Variants in SRD5A3 observed in about 807,000 individuals in gnomAD.
SRD5A3 encodes the protein polyprenal reductase.
A neutral mutation model predicts 34.3 loss-of-function variants in SRD5A3; 24 were observed. The observed-to-expected ratio is 0.70, with a 90% CI of 0.51 to 0.99. The LOEUF is 0.99. Among genes scored for constraint, SRD5A3 ranks in the 50% least tolerant of loss-of-function variants. The pLI is 0.00. For missense variants in SRD5A3, 350 were observed against 388.2 expected, an observed-to-expected ratio of 0.90 and a Z score of 0.83; for synonymous variants, 161 against 167.3, an observed-to-expected ratio of 0.96 and a Z score of 0.29.
chr4:55,349,660 T>C (rs1719116414), intron 1 of SRD5A3, among the ~76,000 whole-genome samples: 1 of 152,160 alleles, frequency 6.6e-6, no homozygotes, highest in South Asian at 2.1e-4. Context: ...ATGCTCTGGG[T>C]TGCATAGTGA....
At position 55,371,899 on chromosome 4, in the gene SRD5A3, C is replaced by G. The variant is rs982210614; in HGVS notation, c.*1808C>G. On this transcript the variant is annotated 3_prime_UTR_variant, in exon 5 of 5. Coordinates refer to ENST00000264228, the MANE Select transcript of SRD5A3 (RefSeq NM_024592.5). ...CAAACTCCTGACCTCAGGTGATCCA[C>G]CTGCTTCGGCCTCCCAAAGTGCTGG... is the stretch of plus-strand genomic sequence containing the variant. 6.6e-6 allele frequency: 1 copy of G among 152,200 alleles called. No individual in the cohort carries two copies. Among genetic ancestry groups the G allele is most frequent in the African/African-American group, 2.4e-5 (1 of 41,450 alleles). 9.4% of individuals were successfully genotyped at this position (152,200 alleles called of 1,614,324 possible). A position where few individuals can be genotyped will look rare whatever the true frequency, so the allele number is the denominator to read the frequency against.
intron 2 of SRD5A3, among the ~76,000 whole-genome samples, chr4:55,363,401 T>C (rs1719759358): frequency 6.6e-6 from 1 of 152,082 alleles, no homozygotes; most frequent in Non-Finnish European, 1.5e-5. Flanking sequence ...GCCACTGCAC[T>C]CTAGCCTGGG....
At chr4:55,354,819 C>T (rs7674388) in intron 1 of SRD5A3, among the ~76,000 whole-genome samples, 3,230 of 150,110 alleles carry the variant, frequency 0.022, 116 homozygotes, top group African/African-American at 0.075. Context: ...TGTGTGTGTG[C>T]GCGCGTGCGT....
At chr4:55,369,065 T>C (rs1232930529) in intron 4 of SRD5A3, among the ~76,000 whole-genome samples, 1 of 152,152 alleles carries the variant, frequency 6.6e-6, no homozygotes, top group Non-Finnish European at 1.5e-5. Context: ...TTAATATTTA[T>C]CAAGTACTTA....
intron 1 of SRD5A3, among the ~76,000 whole-genome samples, chr4:55,356,873 A>G (rs1719484887): frequency 1.3e-5 from 2 of 152,110 alleles, no homozygotes; most frequent in South Asian, 4.1e-4. Flanking sequence ...ATGGCTCCCC[A>G]TTATAAAAGC....
intron 2 of SRD5A3, among the ~76,000 whole-genome samples, chr4:55,361,362 A>AC (rs1719677875): frequency 6.6e-6 from 1 of 150,978 alleles, no homozygotes; most frequent in African/African-American, 2.4e-5. Flanking sequence ...CATGCCTGTA[A>AC]CCCCAGCTAC....
At position 55,371,183 on chromosome 4, in the gene SRD5A3, GATTGA is replaced by G. The variant is rs1227017221; in HGVS notation, c.*1095_*1099del. 6.6e-6 allele frequency: 1 copy of G among 152,126 alleles called. No homozygotes were observed. Among genetic ancestry groups the G allele is most frequent in the African/African-American group, 2.4e-5 (1 of 41,434 alleles). The allele number at this position is 152,126 out of a possible 1,614,324, so 9.4% of individuals were successfully genotyped here. On this transcript the variant is annotated 3_prime_UTR_variant, in exon 5 of 5. Coordinates refer to ENST00000264228, the MANE Select transcript of SRD5A3 (RefSeq NM_024592.5). ...TCGTGAACGGAAGTGACACACTCTGGATTGAATAATACTGTAGCCTCATTCATATG... is the reference window on the plus strand; with the variant it reads ...TCGTGAACGGAAGTGACACACTCTGGATAATACTGTAGCCTCATTCATATG...
intron 1 of SRD5A3, among the ~76,000 whole-genome samples, chr4:55,353,625 T>G (rs1369173913): frequency 6.6e-6 from 1 of 152,204 alleles, no homozygotes; most frequent in Non-Finnish European, 1.5e-5. Flanking sequence ...ACTACCTTTA[T>G]GAGCTGTAAC....
chr4:55,359,613 G>A lies in SRD5A3; in HGVS notation c.364+125G>A, dbSNP rs1195547287. On this transcript the variant is annotated intron_variant, in intron 2 of 4. Transcript: ENST00000264228. The stretch of plus-strand genomic sequence containing the variant: ...TCCTCAGAAGGGCCTGGGAAGTGGA[G>A]GATGAGGGCAAAAAAGAGCTTTGCA... 6 of 1,285,616 alleles carry A rather than the reference G, an allele frequency of 4.7e-6. No individual in the cohort carries two copies. In the East Asian group the frequency reaches 1.2e-4, roughly 25 times the overall value. The allele number at this position is 1,285,616 out of a possible 1,614,324, so 79.6% of individuals were successfully genotyped here.
intron 1 of SRD5A3, 100 bp downstream of exon 1, chr4:55,346,657 C>G (rs1719010149): frequency 8.4e-7 from 1 of 1,186,952 alleles, no homozygotes; most frequent in East Asian, 3.2e-5. Context: ...AGGCGGGACC[C>G]GGCCTGGGAG....
chr4:55,365,925 C>G (rs954248518), intron 3 of SRD5A3, among the ~76,000 whole-genome samples: 1 of 152,184 alleles, frequency 6.6e-6, no homozygotes, highest in Non-Finnish European at 1.5e-5. Flanking sequence ...AGCCTCACAG[C>G]CTTCATTAGT....
chr4:55,355,807 T>C (rs1434459119), intron 1 of SRD5A3, among the ~76,000 whole-genome samples: 2 of 152,268 alleles, frequency 1.3e-5, no homozygotes, highest in Middle Eastern at 3.4e-3. Context: ...GGGTTTCTCA[T>C]CTGCCACACA....
chr4:55,350,165 T>C (rs1173828584), intron 1 of SRD5A3, among the ~76,000 whole-genome samples: 1 of 151,596 alleles, frequency 6.6e-6, no homozygotes, highest in East Asian at 1.9e-4. Context: ...AGGTCCGGAG[T>C]TGGAGACCAG....
chr4:55,346,669 C>T (rs981473644), intron 1 of SRD5A3, 112 bp downstream of exon 1: 17 of 1,046,480 alleles, frequency 1.6e-5, no homozygotes, highest in South Asian at 2.2e-5. Context: ...GCCTGGGAGG[C>T]CCTGGCGGGT....
chr4:55,346,307 C>A lies in SRD5A3; in HGVS notation c.-30C>A, dbSNP rs886059471. 8 of 1,387,406 alleles carry A rather than the reference C, an allele frequency of 5.8e-6. No individual in the cohort carries two copies. The highest frequency in any genetic ancestry group is 6.1e-5 in the East Asian group (2 of 32,716). The allele number at this position is 1,387,406 out of a possible 1,614,324, so 85.9% of individuals were successfully genotyped here. A position where few individuals can be genotyped will look rare whatever the true frequency, so the allele number is the denominator to read the frequency against. On this transcript the variant is annotated 5_prime_UTR_variant, in exon 1 of 5. Coordinates refer to ENST00000264228, the MANE Select transcript of SRD5A3 (RefSeq NM_024592.5). The stretch of plus-strand genomic sequence containing the variant: ...CGCGGGCTAGCGGGCGGTGGGGGCG[C>A]CAGCAGCGCGGAAGGCGGGCACGCG...
intron 1 of SRD5A3, among the ~76,000 whole-genome samples, chr4:55,353,288 G>T (rs903562452): frequency 6.6e-6 from 1 of 152,080 alleles, no homozygotes; most frequent in Non-Finnish European, 1.5e-5. Context: ...ACAAATCAGC[G>T]CTCTGTGTCT....
At chr4:55,350,325 G>A (rs775421649) in intron 1 of SRD5A3, among the ~76,000 whole-genome samples, 4 of 152,222 alleles carry the variant, frequency 2.6e-5, no homozygotes, top group Non-Finnish European at 4.4e-5. Flanking sequence ...AGCCAAGATC[G>A]CGCCACTGCA....
At chr4:55,353,789 A>G (rs1719312678) in intron 1 of SRD5A3, among the ~76,000 whole-genome samples, 1 of 152,058 alleles carries the variant, frequency 6.6e-6, no homozygotes, top group African/African-American at 2.4e-5. Flanking sequence ...CGCAACACAA[A>G]CCCACTGGAA....
At chr4:55,363,415 C>T (rs1719759780) in intron 2 of SRD5A3, among the ~76,000 whole-genome samples, 1 of 151,858 alleles carries the variant, frequency 6.6e-6, no homozygotes, top group Admixed American at 6.6e-5. Context: ...GCCTGGGTGA[C>T]AGAGCAAGAC....
Sources: gnomAD v4.1 joint callset for allele counts (sites outside exome capture counted in the v4.1 genomes callset) on GRCh38, gnomAD v4.1.1 for gene constraint, MANE v1.5 for transcripts, NCBI Gene and HGNC (gene_info 2026-07-23, HGNC 2026-07-21) for gene names.